The following PALS2 variants were observed in gnomAD, a reference collection of about 807,000 sequenced individuals.
PALS2 encodes protein associated with LIN7 2, MAGUK p55 family member, also known as protein PALS2.
PALS2 carries 27 observed loss-of-function variants against 61.6 expected under a neutral mutation model. The observed-to-expected ratio is 0.44, with a 90% CI of 0.32 to 0.60. The LOEUF is 0.60. Among genes scored for constraint, PALS2 ranks in the 20% least tolerant of loss-of-function variants. The pLI is 0.05. For missense variants in PALS2, 554 were observed against 639.4 expected, an observed-to-expected ratio of 0.87 and a Z score of 1.44; for synonymous variants, 236 against 218.6, an observed-to-expected ratio of 1.08 and a Z score of -0.70.
intron 2 of PALS2, among the ~76,000 whole-genome samples, chr7:24,637,372 G>T (rs1021867482): frequency 6.9e-6 from 1 of 144,052 alleles, no homozygotes; most frequent in African/African-American, 2.6e-5. Context: ...TAGAAATTGA[G>T]TTCTCCATTC....
intron 1 of PALS2, among the ~76,000 whole-genome samples, chr7:24,584,909 T>C (rs192418006): frequency 6.6e-6 from 1 of 152,122 alleles, no homozygotes; most frequent in African/African-American, 2.4e-5. Context: ...GCACCATTTA[T>C]TAAATAGGGA....
At chr7:24,670,399 A>G (rs1253956108) in intron 9 of PALS2, among the ~76,000 whole-genome samples, 1 of 151,598 alleles carries the variant, frequency 6.6e-6, no homozygotes, top group Non-Finnish European at 1.5e-5. Context: ...AATGAGGACT[A>G]CATGCTGTCT....
intron 1 of PALS2, among the ~76,000 whole-genome samples, chr7:24,594,072 C>T (rs768066113): frequency 6.6e-6 from 1 of 152,116 alleles, no homozygotes; most frequent in African/African-American, 2.4e-5. Context: ...TTTTGGGTAA[C>T]TTCTTGCAGC....
chr7:24,591,588 A>G (rs1783288394), intron 1 of PALS2, among the ~76,000 whole-genome samples: 1 of 152,172 alleles, frequency 6.6e-6, no homozygotes, highest in South Asian at 2.1e-4. Flanking sequence ...AGAGATAGAC[A>G]TGTAAATTAA....
chr7:24,592,402 A>G (rs1158923627), intron 1 of PALS2, among the ~76,000 whole-genome samples: 1 of 152,076 alleles, frequency 6.6e-6, no homozygotes, highest in East Asian at 1.9e-4. Flanking sequence ...AGGAGAGGCA[A>G]GTGGGGACGT....
At chr7:24,624,602 C>CT (rs1784656376) in intron 2 of PALS2, among the ~76,000 whole-genome samples, 1 of 63,914 alleles carries the variant, frequency 1.6e-5, no homozygotes. Context: ...GATGCAGATT[C>CT]TTCTTTTTTT....
At chr7:24,607,154 T>A (rs921212966) in intron 1 of PALS2, among the ~76,000 whole-genome samples, 1 of 152,138 alleles carries the variant, frequency 6.6e-6, no homozygotes, top group African/African-American at 2.4e-5. Context: ...AGAAGATAGA[T>A]GTGTGGTTAG....
intron 1 of PALS2, among the ~76,000 whole-genome samples, chr7:24,619,281 A>C (rs892397384): frequency 6.6e-6 from 1 of 151,908 alleles, no homozygotes; most frequent in Non-Finnish European, 1.5e-5. Flanking sequence ...GTTTCTCTGG[A>C]GGCTCATGCT....
chr7:24,649,043 A>C (rs1443145104), intron 3 of PALS2, among the ~76,000 whole-genome samples: 1 of 152,142 alleles, frequency 6.6e-6, no homozygotes, highest in East Asian at 1.9e-4. Flanking sequence ...TTGCTCAAAA[A>C]ATGTTCCTTT....
chr7:24,692,947 A>G lies in PALS2; in HGVS notation c.*5333A>G, dbSNP rs775815441. 6.6e-6 allele frequency: 1 copy of G among 152,194 alleles called. No homozygotes were observed. The highest frequency in any genetic ancestry group is 2.4e-5 in the African/African-American group (1 of 41,450). 9.4% of individuals were successfully genotyped at this position (152,194 alleles called of 1,614,324 possible). A position where few individuals can be genotyped will look rare whatever the true frequency, so the allele number is the denominator to read the frequency against. On this transcript the variant is annotated 3_prime_UTR_variant, in exon 12 of 12. Coordinates refer to ENST00000222644, the MANE Select transcript of PALS2 (RefSeq NM_001303037.2). ...TCTTAGTTTGTGAACCTCAAAATCC[A>G]GATATTAATCCACTTTAGTTATTAC...
intron 5 of PALS2, among the ~76,000 whole-genome samples, chr7:24,662,410 T>TA (rs1786770988): frequency 6.6e-6 from 1 of 152,186 alleles, no homozygotes; most frequent in Non-Finnish European, 1.5e-5. Context: ...TGATTAATGC[T>TA]AAGGCAATTC....
rs556897823 is a variant in PALS2, at chr7:24,644,203, A to G, written c.270+2335A>G. Among the ~76,000 whole-genome samples, 26 of 151,242 alleles carry G rather than the reference A, an allele frequency of 1.7e-4. No homozygotes were observed. The South Asian group carries it at 4.8e-3, about 28-fold the overall frequency. ...TTTGTTGTACATATTATTTTACCACACGGATATTAAGCCCAGTACCCAATA... is the reference window on the plus strand; with the variant it reads ...TTTGTTGTACATATTATTTTACCACGCGGATATTAAGCCCAGTACCCAATA... On this transcript the variant is annotated intron_variant, in intron 3 of 11. Transcript: ENST00000222644.
intron 5 of PALS2, 185 bp from the exon 6 acceptor site, chr7:24,663,405 T>C: frequency 2.1e-6 from 1 of 478,662 alleles, no homozygotes; most frequent in Non-Finnish European, 3.4e-6. Flanking sequence ...TTTTATTATC[T>C]TTCTGATACC....
rs146389261 is a variant in PALS2 at position 24,679,266 on chromosome 7, C to G, written c.1250C>G (p.Thr417Ser). 1.2e-6 allele frequency: 2 copies of G among 1,614,040 alleles called. No homozygotes were observed. ...GAATATGAAGGAAATCTCTATGGAACCAAAATTGATTCTATTCTTGAGGTT... is the reference window on the plus strand; with the variant it reads ...GAATATGAAGGAAATCTCTATGGAAGCAAAATTGATTCTATTCTTGAGGTT... ...HGEYEGNLYG[T>S]KIDSILEVVQ... Residue 417 changes from threonine to serine, a missense_variant, in exon 10 of 12, where the codon ACC becomes AGC. Transcript: ENST00000222644.
At chr7:24,601,131 A>G (rs1417701910) in intron 1 of PALS2, among the ~76,000 whole-genome samples, 1 of 152,082 alleles carries the variant, frequency 6.6e-6, no homozygotes. Context: ...ACCATTATGG[A>G]GGATGAGGAT....
chr7:24,663,611 G>C lies in PALS2; in HGVS notation c.673G>C (p.Asp225His). ...PQQVFVKCHF[D>H]YNPYNDNLIP... Reference sequence around the variant, plus strand: ...TTAGGTATTTGTGAAGTGTCATTTTGATTATAATCCATACAATGACAACCT... The same window carrying C: ...TTAGGTATTTGTGAAGTGTCATTTTCATTATAATCCATACAATGACAACCT... Residue 225 changes from aspartate to histidine, a missense_variant, in exon 6 of 12, where the codon GAT becomes CAT. Physicochemically the swap from Asp to His is moderately conservative, Grantham distance 81 (BLOSUM62 -1). Coordinates refer to ENST00000222644, the MANE Select transcript of PALS2 (RefSeq NM_001303037.2). 5.6e-6 allele frequency: 9 copies of C among 1,592,936 alleles called. No individual in the cohort carries two copies. The highest frequency in any genetic ancestry group is 7.7e-6 in the Non-Finnish European group (9 of 1,162,746).
chr7:24,660,504 A>G (rs1786661314), intron 5 of PALS2, among the ~76,000 whole-genome samples: 2 of 151,946 alleles, frequency 1.3e-5, no homozygotes. Flanking sequence ...ATCTGTCTTG[A>G]GGATATTTCC....
chr7:24,664,884 C>A (rs1299332483), intron 6 of PALS2, among the ~76,000 whole-genome samples: 1 of 151,888 alleles, frequency 6.6e-6, no homozygotes, highest in African/African-American at 2.4e-5. Flanking sequence ...CTCTCAGTTT[C>A]TCCCTGCATT....
At chr7:24,614,391 T>G (rs1189739678) in intron 1 of PALS2, among the ~76,000 whole-genome samples, 1 of 152,000 alleles carries the variant, frequency 6.6e-6, no homozygotes, top group Non-Finnish European at 1.5e-5. Flanking sequence ...TCCAAGAGTT[T>G]TTTTGGTAGT....
Sources: gnomAD v4.1 joint callset for allele counts (sites outside exome capture counted in the v4.1 genomes callset) on GRCh38, gnomAD v4.1.1 for gene constraint, MANE v1.5 for transcripts, NCBI Gene and HGNC (gene_info 2026-07-23, HGNC 2026-07-21) for gene names.